CSMD1: variants seen among roughly 807,000 people sequenced by gnomAD.
The protein encoded by CSMD1 is CUB and Sushi multiple domains 1.
CSMD1 carries 213 observed loss-of-function variants against 417.5 expected under a neutral mutation model. The ratio of observed to expected loss-of-function variants is 0.51; its 90% confidence interval spans 0.46 to 0.57. CSMD1 has a LOEUF of 0.57. Ranked by LOEUF, CSMD1 falls within the 20% of genes least tolerant of loss-of-function variation. CSMD1 has a pLI of 0.00. For synonymous variants in CSMD1, 2,862 were observed against 1,736.8 expected, an observed-to-expected ratio of 1.65 and a Z score of -16.11; for missense variants, 6,923 against 4,529.7, an observed-to-expected ratio of 1.53 and a Z score of -15.17.
intron 5 of CSMD1, among the ~76,000 whole-genome samples, chr8:3,859,406 T>G (rs1321422955): frequency 6.6e-6 from 1 of 152,198 alleles, no homozygotes; most frequent in African/African-American, 2.4e-5. Context: ...ATATTTTGTT[T>G]ACAGATGTGT....
At chr8:3,052,086 G>A (rs1387435384) in intron 50 of CSMD1, among the ~76,000 whole-genome samples, 2 of 152,146 alleles carry the variant, frequency 1.3e-5, no homozygotes, top group Admixed American at 6.6e-5. Context: ...AAGATAAATA[G>A]GAAAGATTGT....
At chr8:4,453,618 G>C (rs935379364) in intron 2 of CSMD1, among the ~76,000 whole-genome samples, 9 of 152,154 alleles carry the variant, frequency 5.9e-5, no homozygotes, top group Middle Eastern at 6.8e-3. Flanking sequence ...GCACAGTGCT[G>C]AGAAATGTAT....
rs1810792810 is a variant in CSMD1, at chr8:3,940,348, G to A, written c.818+57555C>T. Among the ~76,000 whole-genome samples the A allele has an allele frequency of 4.6e-5, 7 of 152,048 alleles. No homozygotes were observed. The South Asian group carries it at 1.5e-3, about 32-fold the overall frequency. ...TCAAAATTTGTATTTCAGTATGTTA[G>A]CAATGGTGGGGGGAAAACAGTATGT... On this transcript the variant is annotated intron_variant, in intron 5 of 69. Coordinates refer to ENST00000635120, the MANE Select transcript of CSMD1 (RefSeq NM_033225.6).
At chr8:4,840,319 A>C (rs2116772322) in intron 1 of CSMD1, among the ~76,000 whole-genome samples, 1 of 152,330 alleles carries the variant, frequency 6.6e-6, no homozygotes, top group Middle Eastern at 3.4e-3. Flanking sequence ...TCTATTCAGC[A>C]CAGCTGTTAA....
At chr8:4,367,040 C>T (rs996639376) in intron 3 of CSMD1, among the ~76,000 whole-genome samples, 2 of 152,072 alleles carry the variant, frequency 1.3e-5, no homozygotes, top group African/African-American at 2.4e-5. Context: ...GCAGAAGCTT[C>T]TTAGTTTAAT....
At position 2,949,398 on chromosome 8, in the gene CSMD1, G is replaced by GCAAGA. The variant is rs1554469545; in HGVS notation, c.10315-13_10315-12insTCTTG. On this transcript the variant is annotated splice_polypyrimidine_tract_variant and intron_variant, in intron 67 of 69. Coordinates refer to ENST00000635120, the MANE Select transcript of CSMD1 (RefSeq NM_033225.6). ...AGTCCAGATGACACCTGACACATAG[G>GCAAGA]AAAGAAAAGAAAAGAAATAAAAAGG... is the stretch of plus-strand genomic sequence containing the variant. 1.2e-5 allele frequency: 14 copies of GCAAGA among 1,145,632 alleles called. No homozygotes were observed. In the South Asian group the frequency reaches 1.9e-4, roughly 15 times the overall value. 71.0% of individuals were successfully genotyped at this position (1,145,632 alleles called of 1,614,324 possible).
rs545728332 is a variant in CSMD1, at chr8:2,974,438, G to A, written c.8740+13C>T. 2.1e-5 allele frequency: 33 copies of A among 1,535,104 alleles called. No individual in the cohort carries two copies. Among genetic ancestry groups the A allele is most frequent in the African/African-American group, 4.1e-5 (3 of 72,336 alleles). ...AATCTGTAATTCTGTCAGTTCACTC[G>A]TAAGCCCCTCACCTGTGCAGTGGGG... On this transcript the variant is annotated intron_variant, in intron 56 of 69. Transcript: ENST00000635120.
At chr8:3,935,626 C>T (rs144584381) in intron 5 of CSMD1, among the ~76,000 whole-genome samples, 214 of 152,146 alleles carry the variant, frequency 1.4e-3, no homozygotes, top group Middle Eastern at 0.01. Flanking sequence ...TGTTTGGGGG[C>T]CCCATATGTG....
intron 6 of CSMD1, among the ~76,000 whole-genome samples, chr8:3,752,132 A>G (rs1004473168): frequency 7.2e-5 from 11 of 152,080 alleles, no homozygotes; most frequent in Non-Finnish European, 1.6e-4. Context: ...CCTTTACTCC[A>G]TTCTAACTAC....
At chr8:4,866,642 C>G (rs1481903245) in intron 1 of CSMD1, among the ~76,000 whole-genome samples, 1 of 151,812 alleles carries the variant, frequency 6.6e-6, no homozygotes, top group Non-Finnish European at 1.5e-5. Flanking sequence ...GATTCATATG[C>G]TGGTTCTAAT....
At chr8:4,398,479 C>T (rs954336833) in intron 3 of CSMD1, among the ~76,000 whole-genome samples, 6 of 149,702 alleles carry the variant, frequency 4.0e-5, no homozygotes. Context: ...CTGCAACCTC[C>T]TCTCCTGGGT....
At chr8:3,908,535 C>G (rs971185399) in intron 5 of CSMD1, among the ~76,000 whole-genome samples, 21 of 152,156 alleles carry the variant, frequency 1.4e-4, no homozygotes, top group African/African-American at 5.1e-4. Flanking sequence ...AACTCCTAAC[C>G]TAAGGGAAAC....
intron 7 of CSMD1, among the ~76,000 whole-genome samples, chr8:3,678,570 C>T (rs1346042661): frequency 6.6e-6 from 1 of 152,092 alleles, no homozygotes; most frequent in Non-Finnish European, 1.5e-5. Flanking sequence ...ATTGGTGTAC[C>T]TGAGAGTGAC....
At position 3,382,823 on chromosome 8, in the gene CSMD1, C is replaced by A. The variant is rs184849838; in HGVS notation, c.2782+4671G>T. 1.1e-4 allele frequency among the ~76,000 whole-genome samples: 17 copies of A among 151,830 alleles called. No individual in the cohort carries two copies. In the East Asian group the frequency reaches 2.7e-3, roughly 24 times the overall value. On this transcript the variant is annotated intron_variant, in intron 18 of 69. Coordinates refer to ENST00000635120, the MANE Select transcript of CSMD1 (RefSeq NM_033225.6). The stretch of plus-strand genomic sequence containing the variant: ...TTATTTTACATCTTTAATAGAATAA[C>A]TTTTAGTGTGCATATAGCAAAATTG...
intron 5 of CSMD1, among the ~76,000 whole-genome samples, chr8:3,833,091 T>G (rs181564997): frequency 2.0e-5 from 3 of 152,298 alleles, no homozygotes; most frequent in Admixed American, 6.5e-5. Context: ...TTTATTTTTA[T>G]TTTTTCAAAA....
intron 1 of CSMD1, among the ~76,000 whole-genome samples, chr8:4,992,554 G>A (rs971772723): frequency 6.6e-6 from 1 of 152,176 alleles, no homozygotes; most frequent in Non-Finnish European, 1.5e-5. Context: ...GCTGGAAAAA[G>A]CCAGGTCCTG....
chr8:4,460,688 T>C lies in CSMD1; in HGVS notation c.303-40623A>G, dbSNP rs73660867. Among the ~76,000 whole-genome samples, 525 of 152,282 alleles carry C rather than the reference T, an allele frequency of 3.4e-3. 3 individuals are homozygous for C. The highest frequency in any genetic ancestry group is 0.012 in the African/African-American group (503 of 41,578). ...ACTGTAAGAGAATTTTATAAACATC[T>C]GGTAGTCAACAAACTGGATGACTAC... On this transcript the variant is annotated intron_variant, in intron 2 of 69. Coordinates refer to ENST00000635120, the MANE Select transcript of CSMD1 (RefSeq NM_033225.6).
At chr8:4,840,831 G>A (rs1481261219) in intron 1 of CSMD1, among the ~76,000 whole-genome samples, 1 of 152,186 alleles carries the variant, frequency 6.6e-6, no homozygotes, top group Admixed American at 6.5e-5. Context: ...ATAGAATCAT[G>A]AGTAATCATT....
chr8:3,959,153 T>C (rs1812158340), intron 5 of CSMD1, among the ~76,000 whole-genome samples: 1 of 152,210 alleles, frequency 6.6e-6, no homozygotes, highest in African/African-American at 2.4e-5. Flanking sequence ...AAAAGCATAA[T>C]TTGAGTATAA....
Sources: gnomAD v4.1 joint callset for allele counts (sites outside exome capture counted in the v4.1 genomes callset) on GRCh38, gnomAD v4.1.1 for gene constraint, MANE v1.5 for transcripts, NCBI Gene and HGNC (gene_info 2026-07-23, HGNC 2026-07-21) for gene names.